Variants in EXD3 observed in about 807,000 individuals in gnomAD.
The protein encoded by EXD3 is exonuclease mut-7 homolog.
A neutral mutation model predicts 98.0 loss-of-function variants in EXD3; 92 were observed. The ratio of observed to expected loss-of-function variants is 0.94; its 90% CI spans 0.79 to 1.12. The LOEUF is 1.12. EXD3 is among the 50% of genes most tolerant of loss of function. EXD3 has a pLI of 0.00. For missense variants in EXD3, 1,222 were observed against 1,191.6 expected, an observed-to-expected ratio of 1.03 and a Z score of -0.38; for synonymous variants, 569 against 526.0, an observed-to-expected ratio of 1.08 and a Z score of -1.12.
At chr9:137,311,891 C>T (rs552365377) in intron 19 of EXD3, among the ~76,000 whole-genome samples, 2 of 152,246 alleles carry the variant, frequency 1.3e-5, no homozygotes, top group South Asian at 2.1e-4. Context: ...GGTGGCCCAG[C>T]GCACGTCTTG....
Position 137,351,044 on chromosome 9 carries a change from G to A in EXD3, c.1488C>T (p.His496=). Reference sequence around the variant, plus strand: ...CGGCTCAGTGGGTGCCCACCTGTCTGTGCACCAGCAGCAGGTCCATGCCGC... The same window carrying A: ...CGGCTCAGTGGGTGCCCACCTGTCTATGCACCAGCAGCAGGTCCATGCCGC... ...ILGGMDLLLV[H]RQMRVASVPA... Residue 496 remains histidine (H), a synonymous_variant, in exon 14 of 22, where the codon CAC becomes CAT. Coordinates refer to ENST00000340951, the MANE Select transcript of EXD3 (RefSeq NM_017820.5). 6 of 1,561,054 alleles carry A rather than the reference G, an allele frequency of 3.8e-6. No individual in the cohort carries two copies. Among genetic ancestry groups the A allele is most frequent in the Non-Finnish European group, 5.2e-6 (6 of 1,153,440 alleles).
rs1396137627 is a variant in EXD3 at position 137,407,934 on chromosome 9, G to A, written c.-47-12530C>T. Among the ~76,000 whole-genome samples the A allele has an allele frequency of 1.3e-5, 2 of 152,140 alleles. No individual in the cohort carries two copies. The highest frequency in any genetic ancestry group is 2.1e-4 in the South Asian group (1 of 4,826). On this transcript the variant is annotated intron_variant, in intron 1 of 21. Coordinates refer to ENST00000340951, the MANE Select transcript of EXD3 (RefSeq NM_017820.5). The surrounding 1 kb of genome is among the most constrained non-coding windows in gnomAD (Gnocchi z 4.4). ...CCCAGGCCCCGCAGCACACAAATGC[G>A]GAGCCTCAAGCCTCCAGGGGTTTTC... is the stretch of plus-strand genomic sequence containing the variant.
chr9:137,394,943 C>A (rs1837130685), intron 2 of EXD3, among the ~76,000 whole-genome samples: 1 of 152,088 alleles, frequency 6.6e-6, no homozygotes. Context: ...TGTTCCGGGC[C>A]CTCCGCCTGG....
chr9:137,350,064 GA>G, intron 14 of EXD3, among the ~76,000 whole-genome samples: 1 of 130,754 alleles, frequency 7.6e-6, no homozygotes, highest in Non-Finnish European at 1.6e-5. Flanking sequence ...TCTAGATAGA[GA>G]GGGGTGGGGA....
chr9:137,393,537 G>A lies in EXD3; in HGVS notation c.55+1766C>T, dbSNP rs1837049651. 6.6e-6 allele frequency among the ~76,000 whole-genome samples: 1 copy of A among 152,196 alleles called. No homozygotes were observed. Among genetic ancestry groups the A allele is most frequent in the African/African-American group, 2.4e-5 (1 of 41,446 alleles). On this transcript the variant is annotated intron_variant, in intron 2 of 21. Coordinates refer to ENST00000340951, the MANE Select transcript of EXD3 (RefSeq NM_017820.5). The surrounding 1 kb of genome is among the most constrained non-coding windows in gnomAD (Gnocchi z 4.6). The stretch of plus-strand genomic sequence containing the variant: ...AGAGGTGGCCCCTCCCCGAGCACAC[G>A]CTGACCTGGCTACATCAGGGAAGGC...
intron 5 of EXD3, among the ~76,000 whole-genome samples, chr9:137,370,687 A>C (rs1835545331): frequency 1.3e-5 from 2 of 148,820 alleles, no homozygotes; most frequent in South Asian, 4.3e-4. Flanking sequence ...TGGGCCCCCC[A>C]TTCTAAGGGG....
intron 1 of EXD3, among the ~76,000 whole-genome samples, chr9:137,411,924 G>A (rs79838611): frequency 2.5e-4 from 38 of 152,320 alleles, no homozygotes; most frequent in African/African-American, 7.7e-4. Context: ...CCTGAGGACC[G>A]GTGGGCCCTC....
intron 10 of EXD3, 50 bp from the exon 11 acceptor site, chr9:137,352,836 C>G: frequency 6.5e-7 from 1 of 1,544,296 alleles, no homozygotes; most frequent in Non-Finnish European, 8.7e-7. Flanking sequence ...TGCTGTGCCA[C>G]AGGGCCCTGC....
intron 3 of EXD3, among the ~76,000 whole-genome samples, chr9:137,373,917 G>A (rs138769746): frequency 2.0e-3 from 309 of 152,368 alleles, no homozygotes; most frequent in Non-Finnish European, 2.8e-3. Flanking sequence ...CTTTACCTGC[G>A]GCACTCGCGG....
chr9:137,399,301 G>C (rs1426628980), intron 1 of EXD3, among the ~76,000 whole-genome samples: 1 of 152,180 alleles, frequency 6.6e-6, no homozygotes, highest in East Asian at 1.9e-4. Flanking sequence ...TGGTCCCCTG[G>C]GGGCTCCGTG....
At chr9:137,360,670 A>G (rs1354397346) in intron 7 of EXD3, among the ~76,000 whole-genome samples, 2 of 84,236 alleles carry the variant, frequency 2.4e-5, no homozygotes, top group Admixed American at 1.4e-4. Flanking sequence ...CATGTTTGCT[A>G]GGCTGGTCTG....
intron 3 of EXD3, among the ~76,000 whole-genome samples, chr9:137,374,186 C>A (rs1306047791): frequency 6.6e-6 from 1 of 152,260 alleles, no homozygotes; most frequent in African/African-American, 2.4e-5. Flanking sequence ...AGTGAGTCAA[C>A]CGCTATAGAC....
At chr9:137,413,591 C>A (rs1219153402) in intron 1 of EXD3, among the ~76,000 whole-genome samples, 1 of 150,640 alleles carries the variant, frequency 6.6e-6, no homozygotes, top group African/African-American at 2.5e-5. Flanking sequence ...CTGTAACCGC[C>A]TCCTGGCTCA....
rs1252905403 is a variant in EXD3, at chr9:137,405,419, T to C, written c.-47-10015A>G. Among the ~76,000 whole-genome samples the C allele has an allele frequency of 2.0e-5, 3 of 152,214 alleles. No homozygotes were observed. In the East Asian group the frequency reaches 5.8e-4, roughly 29 times the overall value. On this transcript the variant is annotated intron_variant, in intron 1 of 21. Transcript: ENST00000340951. The surrounding 1 kb of genome is among the most constrained non-coding windows in gnomAD (Gnocchi z 4.1). ...GGTCCTGGACTCATTCGTGCTGGTG[T>C]CCGTGGCCCAAGGATTTGCAGAGCC... is the stretch of plus-strand genomic sequence containing the variant.
At chr9:137,376,343 CAAAAAAAAA>C (rs765888922) in intron 3 of EXD3, among the ~76,000 whole-genome samples, 5 of 39,958 alleles carry the variant, frequency 1.3e-4, no homozygotes, top group Non-Finnish European at 1.0e-4. Flanking sequence ...GACTCTGTCT[CAAAAAAAAA>C]AAAAAAAAAA....
At chr9:137,318,462 GCTC>G (rs1392425251) in intron 19 of EXD3, among the ~76,000 whole-genome samples, 14 of 152,232 alleles carry the variant, frequency 9.2e-5, no homozygotes, top group African/African-American at 2.9e-4. Flanking sequence ...GCTGCAGCCC[GCTC>G]CTCAACCATG....
intron 17 of EXD3, among the ~76,000 whole-genome samples, chr9:137,330,404 G>C (rs1477794001): frequency 1.4e-5 from 1 of 69,492 alleles, no homozygotes; most frequent in Non-Finnish European, 3.1e-5. Flanking sequence ...GCTACACAGG[G>C]CTCCACAGGA....
intron 2 of EXD3, among the ~76,000 whole-genome samples, chr9:137,387,517 G>C (rs1356043928): frequency 6.6e-6 from 1 of 152,108 alleles, no homozygotes; most frequent in Non-Finnish European, 1.5e-5. Context: ...AGAAAAACAG[G>C]ATGTCCAGGG....
At chr9:137,350,937 G>A (rs1191645832) in intron 14 of EXD3, 101 bp downstream of exon 14, 4 of 906,778 alleles carry the variant, frequency 4.4e-6, no homozygotes, top group East Asian at 5.3e-5. Flanking sequence ...GGAATCCGGC[G>A]GGAGAAGCCC....
Sources: allele counts gnomAD v4.1 joint callset (sites outside exome capture counted in the v4.1 genomes callset), GRCh38; gene constraint gnomAD v4.1.1; non-coding constraint Gnocchi (gnomAD v3.1); transcripts MANE v1.5; gene names NCBI Gene and HGNC (gene_info 2026-07-23, HGNC 2026-07-21).